Variants in ADGB observed in about 807,000 individuals in gnomAD.
ADGB encodes the protein androglobin, also known as calpain-7-like protein.
In ADGB, 172 loss-of-function variants were observed where a neutral mutation model predicts 210.5. The observed-to-expected ratio is 0.82, with a 90% confidence interval of 0.72 to 0.93. ADGB has a LOEUF of 0.93. ADGB is among the 40% of genes least tolerant of loss of function. The pLI, the probability that ADGB is intolerant of heterozygous loss-of-function variation, is 0.00. For missense variants in ADGB, 2,025 were observed against 1,964.8 expected (o/e 1.03, Z -0.58); for synonymous variants, 658 against 662.7 (o/e 0.99, Z 0.11).
intron 3 of ADGB, among the ~76,000 whole-genome samples, chr6:146,647,602 T>G (rs1229471662): frequency 1.3e-5 from 2 of 152,078 alleles, no homozygotes; most frequent in African/African-American, 4.8e-5. Context: ...TGGGAAAACA[T>G]TGTGTTTATT....
rs993513080 is a variant in ADGB at position 146,615,199 on chromosome 6, C to G, written c.74+16085C>G. On this transcript the variant is annotated intron_variant, in intron 1 of 35. Transcript: ENST00000397944. ...GGGATTACAGGCGTGAGCCACCACA[C>G]CAGCCAATCTCAGACTCTTTTAAAC... Among the ~76,000 whole-genome samples the G allele has an allele frequency of 7.9e-5, 12 of 151,934 alleles. No homozygotes were observed. The South Asian group carries it at 2.5e-3, about 31-fold the overall frequency.
At chr6:146,689,910 T>C (rs1776278508) in intron 10 of ADGB, among the ~76,000 whole-genome samples, 1 of 152,170 alleles carries the variant, frequency 6.6e-6, no homozygotes. Context: ...CAGAGTTTTC[T>C]GAAATTTTTT....
chr6:146,623,842 ATTT>A (rs1024024929), intron 1 of ADGB, among the ~76,000 whole-genome samples: 1 of 151,668 alleles, frequency 6.6e-6, no homozygotes, highest in South Asian at 2.1e-4. Flanking sequence ...GATGATCATA[ATTT>A]TTTTTAGTTT....
chr6:146,715,645 A>T (rs866206737), intron 14 of ADGB, among the ~76,000 whole-genome samples: 13 of 152,282 alleles, frequency 8.5e-5, no homozygotes, highest in Middle Eastern at 3.4e-3. Flanking sequence ...AATAAAGTTC[A>T]TGTGTTTTAA....
intron 1 of ADGB, among the ~76,000 whole-genome samples, chr6:146,629,777 A>C (rs546591716): frequency 2.0e-5 from 3 of 152,214 alleles, no homozygotes; most frequent in Non-Finnish European, 4.4e-5. Context: ...AAAAAGCTTC[A>C]TTTTTCCCTG....
intron 13 of ADGB, among the ~76,000 whole-genome samples, chr6:146,705,792 T>C (rs1196674867): frequency 6.6e-6 from 1 of 152,234 alleles, no homozygotes; most frequent in African/African-American, 2.4e-5. Flanking sequence ...TTGCCCTGTA[T>C]AATTAGTTTG....
intron 15 of ADGB, among the ~76,000 whole-genome samples, 152 bp downstream of exon 15, chr6:146,717,221 A>G (rs1776749476): frequency 1.3e-5 from 2 of 152,250 alleles, no homozygotes. Flanking sequence ...AAATAAGCCA[A>G]TAACAGCCTA....
At chr6:146,701,714 CTG>C (rs1262641791) in intron 13 of ADGB, among the ~76,000 whole-genome samples, 2 of 151,866 alleles carry the variant, frequency 1.3e-5, no homozygotes, top group East Asian at 3.9e-4. Context: ...TATTAATTAA[CTG>C]AGAATTATTG....
chr6:146,706,255 CTTTTTCTTTTT>C (rs1244390889), intron 13 of ADGB, among the ~76,000 whole-genome samples: 15 of 145,554 alleles, frequency 1.0e-4, no homozygotes, highest in South Asian at 2.2e-4. Flanking sequence ...TTTTTCTTTT[CTTTTTCTTTTT>C]TTTTTCTTTT....
intron 2 of ADGB, among the ~76,000 whole-genome samples, chr6:146,642,715 C>G (rs577827848): frequency 5.9e-5 from 9 of 151,734 alleles, no homozygotes; most frequent in South Asian, 4.2e-4. Flanking sequence ...ATCATAAGAA[C>G]TTATGAACAC....
chr6:146,617,377 C>G (rs931840587), intron 1 of ADGB, among the ~76,000 whole-genome samples: 1 of 152,012 alleles, frequency 6.6e-6, no homozygotes, highest in Non-Finnish European at 1.5e-5. Flanking sequence ...GATCATGTCA[C>G]CTGGGAGCAA....
At chr6:146,737,673 C>T (rs1777099453) in intron 23 of ADGB, among the ~76,000 whole-genome samples, 1 of 152,152 alleles carries the variant, frequency 6.6e-6, no homozygotes, top group South Asian at 2.1e-4. Flanking sequence ...TTCCAACCTG[C>T]TTTTGTATTT....
chr6:146,631,764 G>C (rs1318395412), intron 1 of ADGB, among the ~76,000 whole-genome samples: 1 of 152,048 alleles, frequency 6.6e-6, no homozygotes, highest in African/African-American at 2.4e-5. Context: ...GTACTGAGTA[G>C]TATAAAAATG....
chr6:146,740,312 A>T, intron 23 of ADGB, 147 bp from the exon 24 acceptor site: 2 of 708,308 alleles, frequency 2.8e-6, no homozygotes, highest in Non-Finnish European at 4.5e-6. Context: ...ATCAGGGACT[A>T]CACAGACCCC....
intron 1 of ADGB, among the ~76,000 whole-genome samples, chr6:146,620,568 G>T (rs941089164): frequency 6.6e-6 from 1 of 151,372 alleles, no homozygotes; most frequent in Admixed American, 6.6e-5. Context: ...AATATCTGTT[G>T]TTGAAGCTTT....
At chr6:146,691,493 T>A (rs9403808) in intron 11 of ADGB, among the ~76,000 whole-genome samples, 3 of 16,700 alleles carry the variant, frequency 1.8e-4, no homozygotes, top group Non-Finnish European at 1.9e-4. Context: ...TATATATATA[T>A]ATATATATTT....
intron 10 of ADGB, among the ~76,000 whole-genome samples, chr6:146,686,356 G>A (rs1022611387): frequency 1.3e-5 from 2 of 152,074 alleles, no homozygotes; most frequent in African/African-American, 2.4e-5. Flanking sequence ...TGTAGTGAAA[G>A]GAAATACAAT....
At chr6:146,699,122 A>G (rs1036091551) in intron 12 of ADGB, among the ~76,000 whole-genome samples, 1 of 152,146 alleles carries the variant, frequency 6.6e-6, no homozygotes, top group African/African-American at 2.4e-5. Context: ...GAATATAGAC[A>G]TCGACATAGA....
chr6:146,719,861 A>G (rs1238073953), intron 16 of ADGB, among the ~76,000 whole-genome samples: 3 of 152,222 alleles, frequency 2.0e-5, no homozygotes, highest in African/African-American at 4.8e-5. Context: ...ACAACTCTCT[A>G]TATCAACAAC....
Sources: gnomAD v4.1 joint callset for allele counts (sites outside exome capture counted in the v4.1 genomes callset) on GRCh38, gnomAD v4.1.1 for gene constraint, MANE v1.5 for transcripts, NCBI Gene and HGNC (gene_info 2026-07-23, HGNC 2026-07-21) for gene names.